The following SAMTOR variants were observed in gnomAD, a reference collection of about 807,000 sequenced individuals.
The protein encoded by SAMTOR is UPF0532 protein C7orf60.
the SAMTOR span, among the ~76,000 whole-genome samples, chr7:112,929,868 T>C: frequency 6.6e-6 from 1 of 152,104 alleles, no homozygotes; most frequent in Non-Finnish European, 1.5e-5. Flanking sequence ...CAATTTACTG[T>C]ACATGAATCA....
the SAMTOR span, among the ~76,000 whole-genome samples, chr7:112,886,220 A>G: frequency 6.6e-6 from 1 of 152,182 alleles, no homozygotes; most frequent in Non-Finnish European, 1.5e-5. Flanking sequence ...ATAAGATGAC[A>G]TTTGGGTGAG....
At chr7:112,832,664 G>A in the SAMTOR span, 1 of 1,597,328 alleles carries the variant, frequency 6.3e-7, no homozygotes. Context: ...TTTTCCTGAG[G>A]CTTGTAGCAA....
chr7:112,911,566 A>G, the SAMTOR span, among the ~76,000 whole-genome samples: 10 of 152,174 alleles, frequency 6.6e-5, no homozygotes, highest in Non-Finnish European at 8.8e-5. Context: ...ACCCATAACC[A>G]AAAGAAAAAA....
At chr7:112,870,008 T>G in the SAMTOR span, among the ~76,000 whole-genome samples, 2 of 151,828 alleles carry the variant, frequency 1.3e-5, no homozygotes, top group African/African-American at 4.8e-5. Context: ...CAAATAAAAA[T>G]AAGAAGAAGA....
the SAMTOR span, among the ~76,000 whole-genome samples, chr7:112,937,697 A>G: frequency 6.1e-3 from 921 of 150,278 alleles, 11 homozygotes; most frequent in African/African-American, 0.021. Context: ...GGTGAAATTC[A>G]GGGTATTAAA....
At chr7:112,856,205 T>C in the SAMTOR span, among the ~76,000 whole-genome samples, 4 of 152,012 alleles carry the variant, frequency 2.6e-5, no homozygotes, top group African/African-American at 4.8e-5. Flanking sequence ...ACCCGAATTA[T>C]AGACTTTTTA....
chr7:112,826,978 T>C, the SAMTOR span, among the ~76,000 whole-genome samples: 1 of 152,196 alleles, frequency 6.6e-6, no homozygotes, highest in African/African-American at 2.4e-5. Flanking sequence ...GCTTTGTTAT[T>C]AGGTGCATAG....
the SAMTOR span, among the ~76,000 whole-genome samples, chr7:112,831,361 A>G: frequency 2.0e-5 from 3 of 152,208 alleles, no homozygotes; most frequent in Non-Finnish European, 2.9e-5. Context: ...TTAAGGTAAA[A>G]GAAAGTTCAA....
At chr7:112,894,878 A>C in the SAMTOR span, among the ~76,000 whole-genome samples, 4 of 152,236 alleles carry the variant, frequency 2.6e-5, no homozygotes, top group African/African-American at 4.8e-5. Flanking sequence ...GGGTTGCCAC[A>C]AACCTTCAAT....
the SAMTOR span, among the ~76,000 whole-genome samples, chr7:112,900,464 T>C: frequency 6.6e-6 from 1 of 152,168 alleles, no homozygotes; most frequent in African/African-American, 2.4e-5. Flanking sequence ...CAAATATCAA[T>C]CTCATTTGGA....
At chr7:112,831,538 C>T in the SAMTOR span, among the ~76,000 whole-genome samples, 1 of 152,098 alleles carries the variant, frequency 6.6e-6, no homozygotes, top group Non-Finnish European at 1.5e-5. Context: ...TGCCTGTAAT[C>T]CAGCTATTTA....
chr7:112,869,092 G>C, the SAMTOR span, among the ~76,000 whole-genome samples: 2 of 152,128 alleles, frequency 1.3e-5, no homozygotes, highest in Non-Finnish European at 2.9e-5. Context: ...TTGGGTCAAA[G>C]GAAACAAAAG....
At chr7:112,878,115 C>T in the SAMTOR span, among the ~76,000 whole-genome samples, 2 of 152,128 alleles carry the variant, frequency 1.3e-5, no homozygotes, top group Non-Finnish European at 2.9e-5. Flanking sequence ...TTTTTCTGCG[C>T]TTCCCATTTC....
chr7:112,914,935 G>C, the SAMTOR span, among the ~76,000 whole-genome samples: 94 of 152,092 alleles, frequency 6.2e-4, no homozygotes, highest in Non-Finnish European at 1.2e-3. Flanking sequence ...ATTATACACA[G>C]CATCACTTAG....
chr7:112,866,233 C>A, the SAMTOR span, among the ~76,000 whole-genome samples: 2 of 151,990 alleles, frequency 1.3e-5, no homozygotes, highest in African/African-American at 4.8e-5. Flanking sequence ...AGAATGTGAA[C>A]CATACACAAT....
At chr7:112,905,459 G>A in the SAMTOR span, among the ~76,000 whole-genome samples, 3 of 151,932 alleles carry the variant, frequency 2.0e-5, no homozygotes, top group South Asian at 6.2e-4. Context: ...CATTTTCAGG[G>A]AGCAAAATTA....
the SAMTOR span, chr7:112,939,326 G>C: frequency 4.3e-5 from 23 of 532,952 alleles, no homozygotes; most frequent in Admixed American, 3.4e-4. Context: ...ACCCCGGCTG[G>C]GGACAGGGGC....
chr7:112,882,766 TAAAAAA>T, the SAMTOR span, among the ~76,000 whole-genome samples: 1 of 120,672 alleles, frequency 8.3e-6, no homozygotes, highest in Non-Finnish European at 1.8e-5. Flanking sequence ...CATCTTTTTT[TAAAAAA>T]AAAAAAAAAA....
chr7:112,926,371 C>T, the SAMTOR span, among the ~76,000 whole-genome samples: 9 of 152,262 alleles, frequency 5.9e-5, no homozygotes, highest in South Asian at 6.2e-4. Context: ...TACACAGAAA[C>T]CTACTACCCT....
Sources: allele counts gnomAD v4.1 joint callset (sites outside exome capture counted in the v4.1 genomes callset), GRCh38; gene constraint gnomAD v4.1.1; transcripts MANE v1.5; gene names NCBI Gene and HGNC (gene_info 2026-07-23, HGNC 2026-07-21).